The following LRRC37A2 variants were observed in gnomAD, a reference collection of about 807,000 sequenced individuals.
The protein encoded by LRRC37A2 is leucine-rich repeat-containing protein 37A2.
LRRC37A2 carries 9 observed loss-of-function variants against 68.8 expected under a neutral mutation model. The observed-to-expected ratio is 0.13, with a 90% CI of 0.08 to 0.23. LRRC37A2 has a LOEUF of 0.23. Ranked by LOEUF, LRRC37A2 falls within the 10% of genes least tolerant of loss-of-function variation. The pLI is 1.00. For synonymous variants in LRRC37A2, 63 were observed against 367.6 expected (o/e 0.17, Z 9.48); for missense variants, 168 against 950.4 (o/e 0.18, Z 10.82).
At chr17:46,443,805 TTTA>T in the LRRC37A2 span, among the ~76,000 whole-genome samples, 4 of 22,108 alleles carry the variant, frequency 1.8e-4, no homozygotes, top group Non-Finnish European at 3.0e-4. Context: ...TACATTTCTT[TTTA>T]TTATTATTAT....
At chr17:46,792,565 C>T in the LRRC37A2 span, among the ~76,000 whole-genome samples, 1 of 152,150 alleles carries the variant, frequency 6.6e-6, no homozygotes, top group Non-Finnish European at 1.5e-5. Flanking sequence ...CCTCTGCCTC[C>T]CAGGTTCAAG....
the LRRC37A2 span, among the ~76,000 whole-genome samples, chr17:46,494,334 TTTGGTGTTCATCTAA>T: frequency 1.3e-5 from 2 of 148,814 alleles, no homozygotes; most frequent in African/African-American, 5.1e-5. Flanking sequence ...CTTTTACACA[TTTGGTGTTCATCTAA>T]CAGCTCTACC....
chr17:46,714,882 G>A, the LRRC37A2 span, among the ~76,000 whole-genome samples: 4 of 152,190 alleles, frequency 2.6e-5, no homozygotes, highest in Non-Finnish European at 5.9e-5. Context: ...CTTGAGAATT[G>A]AAGTGCTCCC....
the LRRC37A2 span, among the ~76,000 whole-genome samples, chr17:46,746,497 G>A: frequency 3.3e-5 from 5 of 152,110 alleles, no homozygotes; most frequent in African/African-American, 9.7e-5. Flanking sequence ...ATCTTTTCCC[G>A]ATAGCCCATT....
chr17:46,947,123 G>A, the LRRC37A2 span, among the ~76,000 whole-genome samples: 2 of 152,128 alleles, frequency 1.3e-5, no homozygotes, highest in Non-Finnish European at 2.9e-5. Context: ...GTGGAGGAAG[G>A]CCAGGGGACC....
At chr17:46,817,640 C>T in the LRRC37A2 span, among the ~76,000 whole-genome samples, 1 of 145,640 alleles carries the variant, frequency 6.9e-6, no homozygotes, top group Non-Finnish European at 1.5e-5. Flanking sequence ...ACAGCCCCCC[C>T]CAAGCACTGC....
chr17:47,009,898 C>G, the LRRC37A2 span, among the ~76,000 whole-genome samples: 2 of 152,238 alleles, frequency 1.3e-5, no homozygotes, highest in Non-Finnish European at 2.9e-5. Context: ...TTTTTCGCTA[C>G]AGTTGGTAGA....
chr17:46,392,409 T>C, the LRRC37A2 span, among the ~76,000 whole-genome samples: 7 of 49,444 alleles, frequency 1.4e-4, no homozygotes, highest in African/African-American at 2.9e-4. Context: ...CTTTCTTTCT[T>C]TCTCTCTCTC....
chr17:46,760,984 C>T, the LRRC37A2 span, among the ~76,000 whole-genome samples: 1 of 152,166 alleles, frequency 6.6e-6, no homozygotes, highest in Non-Finnish European at 1.5e-5. Flanking sequence ...TGCAAATCTT[C>T]CAAAGTCTGA....
chr17:46,787,293 G>C, the LRRC37A2 span, among the ~76,000 whole-genome samples: 2 of 151,532 alleles, frequency 1.3e-5, no homozygotes, highest in Non-Finnish European at 2.9e-5. Flanking sequence ...TCTTGCTATT[G>C]GAGTAGGGCG....
At chr17:47,018,579 C>A in the LRRC37A2 span, 4 of 1,520,436 alleles carry the variant, frequency 2.6e-6, no homozygotes, top group Non-Finnish European at 3.7e-6. Flanking sequence ...ACATCTGCTT[C>A]CAGAGTCATC....
the LRRC37A2 span, among the ~76,000 whole-genome samples, chr17:46,990,009 C>A: frequency 6.6e-6 from 1 of 152,172 alleles, no homozygotes; most frequent in East Asian, 1.9e-4. Context: ...GGGGTTGTTA[C>A]ACCATAAGGA....
chr17:46,946,112 C>T, the LRRC37A2 span, among the ~76,000 whole-genome samples: 1 of 151,860 alleles, frequency 6.6e-6, no homozygotes. Context: ...AATTCTCTGT[C>T]GTCACTCACT....
At chr17:46,775,982 C>T in the LRRC37A2 span, among the ~76,000 whole-genome samples, 1 of 152,180 alleles carries the variant, frequency 6.6e-6, no homozygotes, top group South Asian at 2.1e-4. Flanking sequence ...TGAGCAGAGG[C>T]TTTTCCTTGG....
At chr17:46,728,989 G>A in the LRRC37A2 span, 25 of 1,069,686 alleles carry the variant, frequency 2.3e-5, no homozygotes, top group East Asian at 2.7e-4. Context: ...TCAGTAAATC[G>A]CATATAATGA....
At chr17:46,729,439 T>G in the LRRC37A2 span, among the ~76,000 whole-genome samples, 2 of 152,332 alleles carry the variant, frequency 1.3e-5, no homozygotes, top group Admixed American at 1.3e-4. Context: ...AGTGAATTTA[T>G]AGCCAGGATC....
the LRRC37A2 span, among the ~76,000 whole-genome samples, chr17:46,881,384 G>C: frequency 6.6e-6 from 1 of 152,236 alleles, no homozygotes. Flanking sequence ...GCAGCAGCAG[G>C]CTCCAGTTTA....
At chr17:46,942,961 T>C in the LRRC37A2 span, among the ~76,000 whole-genome samples, 1 of 152,178 alleles carries the variant, frequency 6.6e-6, no homozygotes, top group Admixed American at 6.5e-5. Flanking sequence ...AGTACAGGGT[T>C]CCCAACCTTG....
the LRRC37A2 span, among the ~76,000 whole-genome samples, chr17:46,489,669 G>A: frequency 6.7e-6 from 1 of 148,204 alleles, no homozygotes; most frequent in Admixed American, 6.7e-5. Context: ...TGTATTTTTA[G>A]TAGAGACAGG....
Sources: allele counts gnomAD v4.1 joint callset (sites outside exome capture counted in the v4.1 genomes callset), GRCh38; gene constraint gnomAD v4.1.1; transcripts MANE v1.5; gene names NCBI Gene and HGNC (gene_info 2026-07-23, HGNC 2026-07-21).